AFF2: variants seen among roughly 807,000 people sequenced by gnomAD.
AFF2 encodes AF4/FMR2 family member 2.
Under a neutral mutation model 76.9 loss-of-function variants are expected in AFF2, and 14 were observed. The observed-to-expected ratio is 0.18, with a 90% CI of 0.12 to 0.28. The LOEUF is 0.28. Ranked by LOEUF, AFF2 falls within the 10% of genes least tolerant of loss-of-function variation. The probability of loss-of-function intolerance (pLI) is 1.00; values close to 1 mark genes in which losing one functional copy is unlikely to be tolerated. For missense variants in AFF2, 868 were observed against 1,001.1 expected, an observed-to-expected ratio of 0.87 and a Z score of 1.79; for synonymous variants, 398 against 366.7, an observed-to-expected ratio of 1.09 and a Z score of -0.98.
intron 4 of AFF2, among the ~76,000 whole-genome samples, chrX:148,826,417 A>G (rs1315499575): frequency 9.0e-6 from 1 of 111,655 alleles, no homozygotes; most frequent in Non-Finnish European, 1.9e-5. Flanking sequence ...GTGAAATCCA[A>G]TAATCAGATT....
intron 3 of AFF2, among the ~76,000 whole-genome samples, chrX:148,680,806 A>G (rs1259517954): frequency 9.0e-6 from 1 of 111,476 alleles, no homozygotes; most frequent in Admixed American, 9.5e-5. Context: ...GGATGGCTCT[A>G]GGGAAGTATG....
chrX:148,802,592 G>A (rs2124634175), intron 3 of AFF2, among the ~76,000 whole-genome samples: 1 of 111,996 alleles, frequency 8.9e-6, no homozygotes, highest in South Asian at 3.8e-4. Context: ...TGCCTTCACT[G>A]TATAGGCTGT....
At chrX:148,736,616 T>A (rs966331642) in intron 3 of AFF2, among the ~76,000 whole-genome samples, 3 of 111,879 alleles carry the variant, frequency 2.7e-5, no homozygotes, top group Non-Finnish European at 3.8e-5. Flanking sequence ...GCTCTCTAGT[T>A]TAATTAGGTC....
At chrX:148,625,587 G>C (rs1462884856) in intron 1 of AFF2, among the ~76,000 whole-genome samples, 1 of 110,529 alleles carries the variant, frequency 9.0e-6, no homozygotes, top group East Asian at 2.8e-4. Context: ...CTCTGGACTG[G>C]ATGGACATCA....
At chrX:148,681,497 T>C (rs781811196) in intron 3 of AFF2, among the ~76,000 whole-genome samples, 1 of 109,629 alleles carries the variant, frequency 9.1e-6, no homozygotes, top group East Asian at 2.9e-4. Flanking sequence ...TGAGCCTAAA[T>C]GTTCAGTTGT....
intron 9 of AFF2, among the ~76,000 whole-genome samples, chrX:148,947,685 A>C (rs1393544243): frequency 8.9e-6 from 1 of 111,930 alleles, no homozygotes; most frequent in Non-Finnish European, 1.9e-5. Flanking sequence ...GTGATGAGGC[A>C]GGCATAATGC....
intron 4 of AFF2, among the ~76,000 whole-genome samples, chrX:148,833,888 G>T (rs982801077): frequency 4.5e-5 from 5 of 112,093 alleles, no homozygotes; most frequent in Non-Finnish European, 1.9e-5. Context: ...TCAGGTAGCT[G>T]TGTGTTAGAT....
chrX:148,566,944 T>G (rs2053176816), intron 1 of AFF2, among the ~76,000 whole-genome samples: 1 of 111,788 alleles, frequency 8.9e-6, no homozygotes, highest in Non-Finnish European at 1.9e-5. Flanking sequence ...TTCATAGTAT[T>G]TCTTACTCTT....
intron 9 of AFF2, among the ~76,000 whole-genome samples, chrX:148,918,377 A>G (rs1251907080): frequency 3.6e-5 from 4 of 112,091 alleles, no homozygotes; most frequent in African/African-American, 1.3e-4. Flanking sequence ...TTAACATAAT[A>G]TAGGACACTC....
Position 148,607,601 on chromosome X carries a change from A to T in AFF2, c.48-44398A>T, listed in dbSNP as rs150789601. The stretch of plus-strand genomic sequence containing the variant: ...ATTACCCAGTATCGAGTATTTCTTC[A>T]TAGCAGTATGAAAATGGACTAATAC... On this transcript the variant is annotated intron_variant, in intron 1 of 20. Transcript: ENST00000370460. Among the ~76,000 whole-genome samples, 801 of 111,471 alleles carry T rather than the reference A, an allele frequency of 7.2e-3. 9 individuals carry two copies. Among genetic ancestry groups the T allele is most frequent in the African/African-American group, 0.025 (765 of 30,661 alleles).
intron 3 of AFF2, among the ~76,000 whole-genome samples, chrX:148,699,239 G>A (rs2054757922): frequency 8.9e-6 from 1 of 111,966 alleles, no homozygotes; most frequent in South Asian, 3.7e-4. Context: ...TAAAGCAAGT[G>A]AGTGTGTTTT....
At chrX:148,937,983 G>A (rs1385743771) in intron 9 of AFF2, among the ~76,000 whole-genome samples, 2 of 112,236 alleles carry the variant, frequency 1.8e-5, no homozygotes, top group East Asian at 5.6e-4. Flanking sequence ...CAAGCACTTG[G>A]CAAATACACC....
At chrX:148,659,378 T>A (rs2032700519) in intron 2 of AFF2, among the ~76,000 whole-genome samples, 1 of 112,368 alleles carries the variant, frequency 8.9e-6, no homozygotes, top group Non-Finnish European at 1.9e-5. Context: ...TTCACATTCT[T>A]GAGTCCTGAT....
intron 3 of AFF2, among the ~76,000 whole-genome samples, chrX:148,692,727 G>T (rs1429986779): frequency 1.8e-5 from 2 of 111,416 alleles, no homozygotes; most frequent in African/African-American, 6.5e-5. Flanking sequence ...TTATATGTGT[G>T]CAGAGACAAA....
At chrX:148,821,744 G>A (rs1252842962) in intron 4 of AFF2, among the ~76,000 whole-genome samples, 1 of 111,272 alleles carries the variant, frequency 9.0e-6, no homozygotes, top group Non-Finnish European at 1.9e-5. Context: ...GCCTTTGTAT[G>A]TGTGTATGTT....
intron 3 of AFF2, among the ~76,000 whole-genome samples, chrX:148,679,649 G>T (rs2054525924): frequency 9.0e-6 from 1 of 111,679 alleles, no homozygotes; most frequent in Non-Finnish European, 1.9e-5. Flanking sequence ...CTTGAGAAAT[G>T]GAAGGCCACT....
intron 3 of AFF2, among the ~76,000 whole-genome samples, chrX:148,706,132 C>T (rs2054881865): frequency 8.9e-6 from 1 of 112,093 alleles, no homozygotes; most frequent in Non-Finnish European, 1.9e-5. Flanking sequence ...CACTTCAGTG[C>T]AAGAATCATT....
intron 1 of AFF2, among the ~76,000 whole-genome samples, chrX:148,566,301 A>G (rs1219912429): frequency 2.7e-5 from 3 of 111,671 alleles, no homozygotes; most frequent in Non-Finnish European, 3.8e-5. Flanking sequence ...CTCTGGTTGA[A>G]TCAGATGCTG....
At position 148,514,917 on chromosome X, in the gene AFF2, T is replaced by G. The variant is rs73638159; in HGVS notation, c.47+13773T>G. On this transcript the variant is annotated intron_variant, in intron 1 of 20. Coordinates refer to ENST00000370460, the MANE Select transcript of AFF2 (RefSeq NM_002025.4). ...TTTTCAGATTATTTTCTACCTTTTA[T>G]TACTGATCTAGGATACTTATGGCAG... Among the ~76,000 whole-genome samples, 886 of 111,997 alleles carry G rather than the reference T, an allele frequency of 7.9e-3. 11 individuals are homozygous for G. Among genetic ancestry groups the G allele is most frequent in the African/African-American group, 0.028 (849 of 30,763 alleles).
Sources: gnomAD v4.1 joint callset for allele counts (sites outside exome capture counted in the v4.1 genomes callset) on GRCh38, gnomAD v4.1.1 for gene constraint, MANE v1.5 for transcripts, NCBI Gene and HGNC (gene_info 2026-07-23, HGNC 2026-07-21) for gene names.